STRN: variants seen among roughly 807,000 people sequenced by gnomAD.
The protein encoded by STRN is protein phosphatase 2 regulatory subunit B'''alpha.
STRN carries 53 observed loss-of-function variants against 96.3 expected under a neutral mutation model. The observed-to-expected ratio is 0.55, with a 90% CI of 0.44 to 0.69. The LOEUF (loss-of-function observed/expected upper bound fraction) is 0.69. STRN is among the 30% of genes least tolerant of loss of function. STRN has a pLI of 0.00. For missense variants in STRN, 987 were observed against 963.9 expected, an observed-to-expected ratio of 1.02 and a Z score of -0.32; for synonymous variants, 428 against 355.9, an observed-to-expected ratio of 1.20 and a Z score of -2.28.
intron 9 of STRN, among the ~76,000 whole-genome samples, chr2:36,879,021 G>C (rs527383337): frequency 1.3e-5 from 2 of 151,984 alleles, no homozygotes; most frequent in African/African-American, 4.8e-5. Flanking sequence ...CCAAAGTGCT[G>C]GGATTACAGG....
intron 13 of STRN, among the ~76,000 whole-genome samples, chr2:36,859,773 G>C (rs1287970455): frequency 1.3e-5 from 2 of 152,160 alleles, no homozygotes; most frequent in Non-Finnish European, 2.9e-5. Flanking sequence ...CAATAGAATG[G>C]ACAGATTTCA....
intron 10 of STRN, among the ~76,000 whole-genome samples, chr2:36,871,541 T>G (rs572708626): frequency 6.6e-6 from 1 of 152,310 alleles, no homozygotes; most frequent in African/African-American, 2.4e-5. Context: ...TCAGAATGTA[T>G]CCCTATCATT....
chr2:36,936,982 T>C (rs562693843), intron 1 of STRN, among the ~76,000 whole-genome samples: 4 of 152,084 alleles, frequency 2.6e-5, no homozygotes, highest in Non-Finnish European at 4.4e-5. Context: ...GTCAATATAG[T>C]AAAATACTCT....
At chr2:36,886,478 G>A (rs902590093) in intron 8 of STRN, among the ~76,000 whole-genome samples, 7 of 152,066 alleles carry the variant, frequency 4.6e-5, no homozygotes, top group African/African-American at 1.7e-4. Context: ...TGAGGCTCTG[G>A]ATTTATTATT....
At chr2:36,879,117 C>T (rs973583713) in intron 9 of STRN, among the ~76,000 whole-genome samples, 5 of 151,916 alleles carry the variant, frequency 3.3e-5, no homozygotes, top group Admixed American at 6.6e-5. Context: ...ATGGCCCAGG[C>T]TGGAGTGCAC....
At chr2:36,924,983 G>A (rs1440056414) in intron 2 of STRN, 122 bp downstream of exon 2, 2 of 744,560 alleles carry the variant, frequency 2.7e-6, no homozygotes, top group Non-Finnish European at 2.2e-6. Flanking sequence ...TTGAAACCGG[G>A]AGGCGGAGGT....
intron 1 of STRN, among the ~76,000 whole-genome samples, chr2:36,958,676 C>T (rs949425335): frequency 1.3e-5 from 2 of 151,990 alleles, no homozygotes; most frequent in East Asian, 1.9e-4. Flanking sequence ...AATGGAGAAG[C>T]CCTAAGATCA....
At chr2:36,957,525 T>A (rs2148276717) in intron 1 of STRN, among the ~76,000 whole-genome samples, 1 of 151,782 alleles carries the variant, frequency 6.6e-6, no homozygotes, top group East Asian at 2.0e-4. Context: ...AAGGCAGAGG[T>A]TGCAGTAAGC....
chr2:36,917,546 A>G (rs531380536), intron 2 of STRN, among the ~76,000 whole-genome samples: 13 of 150,184 alleles, frequency 8.7e-5, no homozygotes, highest in South Asian at 2.1e-4. Flanking sequence ...AAGAAAAAAA[A>G]AAAAAAAGAA....
At chr2:36,924,343 G>C (rs1268479778) in intron 2 of STRN, among the ~76,000 whole-genome samples, 1 of 130,570 alleles carries the variant, frequency 7.7e-6, no homozygotes, top group Non-Finnish European at 1.5e-5. Flanking sequence ...GCGACAGAGT[G>C]AGACTCCGTT....
rs149768137 is a variant in STRN, at chr2:36,851,088, T to C, written c.1998A>G (p.Gln666=). ...TAGGATGACTGATGACTCTATTTAT[T>C]TGGCAGGAAGAGTTGGCTGCTAAAA... ...NVDTTANSSC[Q]INRVISHPTL... The change falls in exon 16 of 18, where the codon CAA becomes CAG. Residue 666 remains glutamine (Q), a synonymous_variant. Coordinates refer to ENST00000263918, the MANE Select transcript of STRN (RefSeq NM_003162.4). 68 of 1,613,558 alleles carry C rather than the reference T, an allele frequency of 4.2e-5. No individual in the cohort carries two copies. In the East Asian group the frequency reaches 1.4e-3, roughly 34 times the overall value.
At position 36,883,873 on chromosome 2, in the gene STRN, T is replaced by G. The variant is rs565934115; in HGVS notation, c.1186+59A>C. 4.4e-5 allele frequency: 57 copies of G among 1,304,730 alleles called. No homozygotes were observed. In the African/African-American group the frequency reaches 8.0e-4, roughly 18 times the overall value. 80.8% of individuals were successfully genotyped at this position (1,304,730 alleles called of 1,614,324 possible). A position where few individuals can be genotyped will look rare whatever the true frequency, so the allele number is the denominator to read the frequency against. The stretch of plus-strand genomic sequence containing the variant: ...TAATAGGAGAGGCCTTTCTAATGAA[T>G]GAATTTAAAGATATACATCCAAGTG... On this transcript the variant is annotated intron_variant, in intron 9 of 17. Coordinates refer to ENST00000263918, the MANE Select transcript of STRN (RefSeq NM_003162.4).
At chr2:36,865,841 T>G (rs907621777) in intron 12 of STRN, among the ~76,000 whole-genome samples, 8 of 152,102 alleles carry the variant, frequency 5.3e-5, no homozygotes, top group African/African-American at 1.9e-4. Flanking sequence ...ATTACAGGTG[T>G]GAGCCACTGC....
At chr2:36,921,967 T>C (rs1335547483) in intron 2 of STRN, among the ~76,000 whole-genome samples, 3 of 152,216 alleles carry the variant, frequency 2.0e-5, no homozygotes, top group Non-Finnish European at 4.4e-5. Flanking sequence ...ATATAGACTA[T>C]ATCAGATAAT....
intron 1 of STRN, among the ~76,000 whole-genome samples, chr2:36,940,161 C>T (rs1231701212): frequency 2.6e-5 from 4 of 151,966 alleles, no homozygotes; most frequent in African/African-American, 4.8e-5. Context: ...ACATTATAAT[C>T]GGAGTTAAGA....
intron 12 of STRN, among the ~76,000 whole-genome samples, chr2:36,865,101 T>C (rs1217493663): frequency 6.6e-6 from 1 of 152,248 alleles, no homozygotes; most frequent in Admixed American, 6.5e-5. Context: ...TGTGAATCCA[T>C]CTCAACCTGG....
At chr2:36,928,710 C>T (rs535062979) in intron 1 of STRN, among the ~76,000 whole-genome samples, 74 of 148,152 alleles carry the variant, frequency 5.0e-4, no homozygotes, top group Non-Finnish European at 7.6e-4. Flanking sequence ...TTTGGGAGGC[C>T]GAGGCGGGTG....
intron 6 of STRN, 74 bp downstream of exon 6, chr2:36,899,449 G>A (rs558636440): frequency 7.8e-7 from 1 of 1,275,744 alleles, no homozygotes; most frequent in South Asian, 2.4e-5. Flanking sequence ...AAAGAACATG[G>A]ATTCTTTTAT....
At chr2:36,899,698 T>C in intron 5 of STRN, 40 bp from the exon 6 acceptor site, 1 of 1,521,680 alleles carries the variant, frequency 6.6e-7, no homozygotes, top group South Asian at 1.3e-5. Context: ...TTAATCTTTT[T>C]AACTTCGACA....
Sources: gnomAD v4.1 joint callset for allele counts (sites outside exome capture counted in the v4.1 genomes callset) on GRCh38, gnomAD v4.1.1 for gene constraint, MANE v1.5 for transcripts, NCBI Gene and HGNC (gene_info 2026-07-23, HGNC 2026-07-21) for gene names.